The following NR5A1 variants were observed in gnomAD, a reference collection of about 807,000 sequenced individuals.
NR5A1 encodes the protein steroidogenic factor 1.
A neutral mutation model predicts 42.7 loss-of-function variants in NR5A1; 6 were observed. That is an observed-to-expected ratio of 0.14 (90% CI 0.08 to 0.28). The LOEUF is 0.28. Ranked by LOEUF, NR5A1 falls within the 10% of genes least tolerant of loss-of-function variation. The pLI is 1.00. For synonymous variants in NR5A1, 274 were observed against 277.5 expected (o/e 0.99, Z 0.12); for missense variants, 442 against 626.4 (o/e 0.71, Z 3.14).
At chr9:124,485,402 C>T (rs1044380929) in intron 6 of NR5A1, among the ~76,000 whole-genome samples, 2 of 152,178 alleles carry the variant, frequency 1.3e-5, no homozygotes, top group Non-Finnish European at 2.9e-5. Context: ...GAGAGCGCCA[C>T]GCTCCTGGCA....
intron 5 of NR5A1, among the ~76,000 whole-genome samples, chr9:124,491,790 C>T (rs538565454): frequency 6.6e-6 from 1 of 152,162 alleles, no homozygotes; most frequent in Non-Finnish European, 1.5e-5. Context: ...CACGGCAACA[C>T]ATACACCCAT....
chr9:124,504,049 AGAC>A lies in NR5A1; in HGVS notation c.-15-642_-15-640del, dbSNP rs201531537. Among the ~76,000 whole-genome samples, 513 of 129,342 alleles carry A rather than the reference AGAC, an allele frequency of 4.0e-3. 57 individuals carry two copies. The highest frequency in any genetic ancestry group is 0.021 in the African/African-American group (457 of 22,102). 84.9% of individuals were successfully genotyped at this position (129,342 alleles called of 152,430 possible). ...CAGAGAGAGAGAGAGAGAGAGAGAGAGACGAGAGAGAGAGAGAGAGAGAGAAAC... is the reference window on the plus strand; with the variant it reads ...CAGAGAGAGAGAGAGAGAGAGAGAGAGAGAGAGAGAGAGAGAGAGAGAAAC... On this transcript the variant is annotated intron_variant, in intron 1 of 6. Transcript: ENST00000373588.
rs537650182 is a variant in NR5A1, at chr9:124,496,121, G to A, written c.871-2972C>T. 4.7e-4 allele frequency among the ~76,000 whole-genome samples: 71 copies of A among 151,884 alleles called. No homozygotes were observed. The highest frequency in any genetic ancestry group is 1.0e-3 in the Non-Finnish European group (68 of 67,934). On this transcript the variant is annotated intron_variant, in intron 4 of 6. Transcript: ENST00000373588. The surrounding 1 kb of genome is among the most constrained non-coding windows in gnomAD (Gnocchi z 5.0). The stretch of plus-strand genomic sequence containing the variant: ...GGTCTTGTACTCACTGCTTTCCTTG[G>A]GTGGACAGATGGATGCATAAAGACA...
rs1018429907 is a variant in NR5A1 at position 124,481,492 on chromosome 9, G to A, written c.*1266C>T. On this transcript the variant is annotated 3_prime_UTR_variant, in exon 7 of 7. Coordinates refer to ENST00000373588, the MANE Select transcript of NR5A1 (RefSeq NM_004959.5). ...GGGACGGACAGCAGGCACCCCGCCG[G>A]GGACAGGAGACAGCCGAGGCCTCTC... 1 of 152,296 alleles carries A rather than the reference G, an allele frequency of 6.6e-6. No individual in the cohort carries two copies. Among genetic ancestry groups the A allele is most frequent in the African/African-American group, 2.4e-5 (1 of 41,424 alleles). 9.4% of individuals were successfully genotyped at this position (152,296 alleles called of 1,614,324 possible). A position where few individuals can be genotyped will look rare whatever the true frequency, so the allele number is the denominator to read the frequency against.
chr9:124,486,296 TCCCGGGCACCC>T lies in NR5A1; in HGVS notation c.1139-3302_1139-3292del, dbSNP rs1344218025. Among the ~76,000 whole-genome samples, 9 of 152,182 alleles carry T rather than the reference TCCCGGGCACCC, an allele frequency of 5.9e-5. No individual in the cohort carries two copies. The East Asian group carries it at 1.5e-3, about 26-fold the overall frequency. The stretch of plus-strand genomic sequence containing the variant: ...ACAGTCCAGAAGCCCAGACCCAGTT[TCCCGGGCACCC>T]CCCAGGCACCTTGCACCCAGCTCGG... On this transcript the variant is annotated intron_variant, in intron 6 of 6. Transcript: ENST00000373588.
rs184724257 is a variant in NR5A1 at position 124,503,159 on chromosome 9, C to T, written c.164G>A (p.Cys55Tyr). 1 of 1,600,220 alleles carries T rather than the reference C, an allele frequency of 6.2e-7. No homozygotes were observed. Reference protein sequence around the residue: ...KHYTCTESQSCKIDKTQRKRC... With the variant: ...KHYTCTESQSYKIDKTQRKRC... The stretch of plus-strand genomic sequence containing the variant: ...CTTGCGCTGCGTCTTGTCGATCTTG[C>T]AGCTCTGGCTCTCGGTGCACGTGTA... The change falls in exon 3 of 7, where the codon TGC becomes TAC. Residue 55 changes from cysteine to tyrosine, a missense_variant. Around this residue, in one of 3 missense-constraint regions of NR5A1, gnomAD observed 71 missense variants for 156.8 expected, o/e 0.45. Transcript: ENST00000373588. This position sits in a 1 kb window ranked among gnomAD's most constrained non-coding sequence, Gnocchi z 9.6.
In NR5A1 at chr9:124,500,142, A is replaced by C; in HGVS notation, c.818T>G (p.Phe273Cys). 6.2e-7 allele frequency: 1 copy of C among 1,613,032 alleles called. No individual in the cohort carries two copies. The highest frequency in any genetic ancestry group is 8.5e-7 in the Non-Finnish European group (1 of 1,180,018). Reference sequence around the variant, plus strand: ...GCGTGCCCAGTCCACGATGGAGATGAAGGTCTGGTCGGCCATTCTGCACAG... The same window carrying C: ...GCGTGCCCAGTCCACGATGGAGATGCAGGTCTGGTCGGCCATTCTGCACAG... The part of the protein sequence containing the change: ...GLLCRMADQT[F>C]ISIVDWARRC... Residue 273 changes from phenylalanine (F) to cysteine (C), a missense_variant, in exon 4 of 7, where the codon TTC (phenylalanine) becomes TGC (cysteine). Physicochemically the swap from Phe to Cys is radical, Grantham distance 205. Transcript: ENST00000373588. This position sits in a 1 kb window ranked among gnomAD's most constrained non-coding sequence, Gnocchi z 6.9.
rs1832464784 is a variant in NR5A1, at chr9:124,501,065, C to A, written c.245-350G>T. The stretch of plus-strand genomic sequence containing the variant: ...TGAACACCCAGCCTCAATGTCACTA[C>A]TTCCAGGAAGCACTCCTGGATTCAT... On this transcript the variant is annotated intron_variant, in intron 3 of 6. Coordinates refer to ENST00000373588, the MANE Select transcript of NR5A1 (RefSeq NM_004959.5). This position sits in a 1 kb window ranked among gnomAD's most constrained non-coding sequence, Gnocchi z 4.1. 5.3e-6 allele frequency: 3 copies of A among 565,494 alleles called. No homozygotes were observed. Among genetic ancestry groups the A allele is most frequent in the Non-Finnish European group, 1.0e-5 (3 of 289,464 alleles). The allele number at this position is 565,494 out of a possible 1,614,324, so 35.0% of individuals were successfully genotyped here.
chr9:124,501,424 C>T lies in NR5A1; in HGVS notation c.245-709G>A, dbSNP rs543470677. 3.9e-5 allele frequency among the ~76,000 whole-genome samples: 6 copies of T among 152,348 alleles called. No individual in the cohort carries two copies. In the South Asian group the frequency reaches 8.3e-4, roughly 21 times the overall value. ...GGGGACCTCTCTTGCCGACTAGAAG[C>T]TCCTCCGCCTGGCGAGGAATGTGTC... On this transcript the variant is annotated intron_variant, in intron 3 of 6. Transcript: ENST00000373588. The surrounding 1 kb of genome is among the most constrained non-coding windows in gnomAD (Gnocchi z 4.1).
At chr9:124,495,266 C>T (rs528215551) in intron 4 of NR5A1, among the ~76,000 whole-genome samples, 9 of 152,334 alleles carry the variant, frequency 5.9e-5, no homozygotes, top group African/African-American at 1.9e-4. Flanking sequence ...GCCATCTCTC[C>T]GTATCTCTCC....
rs1832500715 is a variant in NR5A1 at position 124,503,512 on chromosome 9, C to T, written c.-15-102G>A. On this transcript the variant is annotated intron_variant, in intron 1 of 6. Transcript: ENST00000373588. The surrounding 1 kb of genome is among the most constrained non-coding windows in gnomAD (Gnocchi z 9.6). ...CTGTCGCCGGCCCGTCGCGTAATCC[C>T]CTCTCTGTGCCCAGGCGCTGCCGCC... 1 of 935,806 alleles carries T rather than the reference C, an allele frequency of 1.1e-6. No individual in the cohort carries two copies. The allele number at this position is 935,806 out of a possible 1,614,324, so 58.0% of individuals were successfully genotyped here. A position where few individuals can be genotyped will look rare whatever the true frequency, so the allele number is the denominator to read the frequency against.
rs1830078356 is a variant in NR5A1 at position 124,501,501 on chromosome 9, C to G, written c.245-786G>C. On this transcript the variant is annotated intron_variant, in intron 3 of 6. Coordinates refer to ENST00000373588, the MANE Select transcript of NR5A1 (RefSeq NM_004959.5). This position sits in a 1 kb window ranked among gnomAD's most constrained non-coding sequence, Gnocchi z 4.1. ...CTGCAGCTGGAGTGTGCCCCCCGCC[C>G]CTGCTCAGACAGGGCCCCACCCTGG... is the stretch of plus-strand genomic sequence containing the variant. Among the ~76,000 whole-genome samples, 1 of 152,250 alleles carries G rather than the reference C, an allele frequency of 6.6e-6. No homozygotes were observed. The highest frequency in any genetic ancestry group is 2.4e-5 in the African/African-American group (1 of 41,470).
chr9:124,505,301 G>A (rs1832540165), intron 1 of NR5A1, among the ~76,000 whole-genome samples: 1 of 152,356 alleles, frequency 6.6e-6, no homozygotes, highest in Non-Finnish European at 1.5e-5. Flanking sequence ...CGTGGCGAAT[G>A]CCACGCGGGT....
intron 5 of NR5A1, among the ~76,000 whole-genome samples, chr9:124,492,725 T>C (rs1832334281): frequency 6.6e-6 from 1 of 152,012 alleles, no homozygotes; most frequent in Admixed American, 6.5e-5. Flanking sequence ...TCCAGTGTGT[T>C]ATTTCCAGAC....
chr9:124,504,743 GCGC>G (rs1195635598), intron 1 of NR5A1, among the ~76,000 whole-genome samples: 2 of 146,522 alleles, frequency 1.4e-5, no homozygotes, highest in Non-Finnish European at 3.0e-5. Flanking sequence ...CCTCTCGGCC[GCGC>G]CGCCGCCGCC....
chr9:124,489,546 C>T (rs369653843), intron 6 of NR5A1, among the ~76,000 whole-genome samples: 1 of 152,340 alleles, frequency 6.6e-6, no homozygotes, highest in African/African-American at 2.4e-5. Flanking sequence ...GGCTCCACGC[C>T]CCAACCACAC....
At position 124,496,080 on chromosome 9, in the gene NR5A1, G is replaced by A. The variant is rs1437875554; in HGVS notation, c.871-2931C>T. Among the ~76,000 whole-genome samples, 1 of 152,116 alleles carries A rather than the reference G, an allele frequency of 6.6e-6. No homozygotes were observed. The highest frequency in any genetic ancestry group is 1.5e-5 in the Non-Finnish European group (1 of 68,014). Reference sequence around the variant, plus strand: ...ATGCTGCCCGGCCGGGATCCCACCTGCCCCTTGGCCAAGCAGGTCTTGTAC... The same window carrying A: ...ATGCTGCCCGGCCGGGATCCCACCTACCCCTTGGCCAAGCAGGTCTTGTAC... On this transcript the variant is annotated intron_variant, in intron 4 of 6. Coordinates refer to ENST00000373588, the MANE Select transcript of NR5A1 (RefSeq NM_004959.5). The surrounding 1 kb of genome is among the most constrained non-coding windows in gnomAD (Gnocchi z 5.0).
At chr9:124,487,397 A>G (rs1019890506) in intron 6 of NR5A1, among the ~76,000 whole-genome samples, 7 of 152,374 alleles carry the variant, frequency 4.6e-5, no homozygotes, top group South Asian at 2.1e-4. Flanking sequence ...CGCCGCCTCA[A>G]TGGAAGTCAG....
intron 5 of NR5A1, among the ~76,000 whole-genome samples, chr9:124,492,050 C>T (rs1023892736): frequency 5.3e-5 from 8 of 152,266 alleles, no homozygotes; most frequent in African/African-American, 9.6e-5. Context: ...CCTCCTGCCC[C>T]GATGGCCTGT....
Sources: allele counts gnomAD v4.1 joint callset (sites outside exome capture counted in the v4.1 genomes callset), GRCh38; gene constraint gnomAD v4.1.1; regional missense constraint gnomAD v4.1.1; non-coding constraint Gnocchi (gnomAD v3.1); transcripts MANE v1.5; gene names NCBI Gene and HGNC (gene_info 2026-07-23, HGNC 2026-07-21).